Variants in SASH1 observed in about 807,000 individuals in gnomAD.
SASH1 encodes the protein SAM and SH3 domain containing 1, also known as SAM and SH3 domain-containing protein 1.
SASH1 carries 44 observed loss-of-function variants against 125.2 expected under a neutral mutation model. That is an observed-to-expected ratio of 0.35 (90% CI 0.28 to 0.45). The LOEUF is 0.45. Ranked by LOEUF, SASH1 falls within the 20% of genes least tolerant of loss-of-function variation. SASH1 has a pLI of 1.00. For missense variants in SASH1, 1,426 were observed against 1,614.5 expected, an observed-to-expected ratio of 0.88 and a Z score of 2.00; for synonymous variants, 639 against 649.1, an observed-to-expected ratio of 0.98 and a Z score of 0.24.
At chr6:148,329,638 A>G (rs1200760416) in intron 1 of SASH1, among the ~76,000 whole-genome samples, 4 of 152,096 alleles carry the variant, frequency 2.6e-5, no homozygotes, top group African/African-American at 9.7e-5. Context: ...GTGAGTGTGT[A>G]TGTGTGTGTG....
intron 4 of SASH1, among the ~76,000 whole-genome samples, 164 bp from the exon 5 acceptor site, chr6:148,468,381 A>G (rs1011988031): frequency 1.3e-5 from 2 of 152,224 alleles, no homozygotes; most frequent in Non-Finnish European, 2.9e-5. Context: ...GTCTATTTCT[A>G]GGAAGTCAGC....
At chr6:148,279,656 G>T (rs1326763187) in intron 1 of SASH1, among the ~76,000 whole-genome samples, 1 of 152,120 alleles carries the variant, frequency 6.6e-6, no homozygotes, top group Non-Finnish European at 1.5e-5. Context: ...GTTGCTCTGA[G>T]AATTCAATGA....
intron 8 of SASH1, chr6:148,512,390 G>T (rs1780200103): frequency 2.7e-6 from 2 of 747,108 alleles, no homozygotes; most frequent in South Asian, 1.2e-4. Flanking sequence ...TCTTCTATTA[G>T]AATTGCTTGG....
chr6:148,484,155 A>G (rs995802620), intron 7 of SASH1, among the ~76,000 whole-genome samples: 2 of 152,212 alleles, frequency 1.3e-5, no homozygotes, highest in Non-Finnish European at 2.9e-5. Flanking sequence ...AATGCTCTTT[A>G]TAGTAAGTAC....
At chr6:148,194,976 A>C in the SASH1 span, among the ~76,000 whole-genome samples, 2 of 152,256 alleles carry the variant, frequency 1.3e-5, no homozygotes, top group Non-Finnish European at 2.9e-5. Context: ...TGAGCTGGTA[A>C]GCCATTCTGT....
intron 1 of SASH1, among the ~76,000 whole-genome samples, chr6:148,324,940 G>C (rs920697928): frequency 7.2e-5 from 11 of 152,172 alleles, no homozygotes; most frequent in Non-Finnish European, 1.3e-4. Context: ...GTGGGATGAT[G>C]GTGCTTCTGC....
At chr6:148,353,316 G>A (rs1781806281) in intron 1 of SASH1, among the ~76,000 whole-genome samples, 1 of 151,926 alleles carries the variant, frequency 6.6e-6, no homozygotes, top group African/African-American at 2.4e-5. Flanking sequence ...GCCTCAAGCA[G>A]TCCTCCCAAG....
At chr6:148,480,321 TAAA>T (rs67748460) in intron 7 of SASH1, 4,212 of 122,286 alleles carry the variant, frequency 0.034, 94 homozygotes, top group Admixed American at 0.079. Flanking sequence ...AACTCCATCT[TAAA>T]AAAAAAAAAA....
chr6:148,237,413 T>A, the SASH1 span, among the ~76,000 whole-genome samples: 38 of 152,338 alleles, frequency 2.5e-4, no homozygotes, highest in Admixed American at 2.1e-3. Context: ...CTATCTATAC[T>A]TAATACATCC....
intron 1 of SASH1, among the ~76,000 whole-genome samples, chr6:148,349,248 CTTTCTTTTTTTTTTTTT>C (rs1278711001): frequency 1.5e-5 from 1 of 66,246 alleles, no homozygotes; most frequent in Non-Finnish European, 2.7e-5. Context: ...TTTCTTCTTT[CTTTCTTTTTTTTTTTTT>C]TTTTTTTTTT....
intron 1 of SASH1, among the ~76,000 whole-genome samples, chr6:148,379,078 T>C (rs977088826): frequency 6.6e-6 from 1 of 152,194 alleles, no homozygotes; most frequent in African/African-American, 2.4e-5. Flanking sequence ...GTTTTCAAAA[T>C]CTCTGTGGTT....
At chr6:148,229,719 CTTTTTTT>C in the SASH1 span, among the ~76,000 whole-genome samples, 1 of 121,406 alleles carries the variant, frequency 8.2e-6, no homozygotes, top group South Asian at 2.7e-4. Context: ...CGTCAGAGCA[CTTTTTTT>C]TTTTTTTTTT....
At chr6:148,372,879 A>C (rs1298892144) in intron 1 of SASH1, among the ~76,000 whole-genome samples, 2 of 152,148 alleles carry the variant, frequency 1.3e-5, no homozygotes, top group African/African-American at 4.8e-5. Context: ...AAACTATTTC[A>C]GATGGTGAAA....
At position 148,519,685 on chromosome 6, in the gene SASH1, C is replaced by T. The variant is rs1361442428; in HGVS notation, c.1001C>T (p.Thr334Met). 9.9e-6 allele frequency: 16 copies of T among 1,614,012 alleles called. No individual in the cohort carries two copies. Among genetic ancestry groups the T allele is most frequent in the East Asian group, 2.2e-5 (1 of 44,884 alleles). Reference protein sequence around the residue: ...PPEDDSDSLTTSPSSSSLDTW... With the variant: ...PPEDDSDSLTMSPSSSSLDTW... ...GAAGATGACTCAGACTCTCTCACCA[C>T]GTCTCCATCCTCCAGCAGCCTGGAC... The change falls in exon 10 of 20, where the codon ACG becomes ATG. Residue 334 changes from threonine (T) to methionine (M), a missense_variant. Physicochemically the swap from Thr to Met is moderately conservative, Grantham distance 81. Transcript: ENST00000367467. This position sits in a 1 kb window ranked among gnomAD's most constrained non-coding sequence, Gnocchi z 4.8.
chr6:148,513,000 C>G (rs1780236632), intron 8 of SASH1: 1 of 985,246 alleles, frequency 1.0e-6, no homozygotes, highest in Non-Finnish European at 1.2e-6. Context: ...CCTTACTATC[C>G]TTGTACTAAT....
At position 148,390,185 on chromosome 6, in the gene SASH1, T is replaced by G. The variant is rs749545262; in HGVS notation, c.208T>G (p.Tyr70Asp). 6.2e-7 allele frequency: 1 copy of G among 1,613,684 alleles called. No homozygotes were observed. The highest frequency in any genetic ancestry group is 1.1e-5 in the South Asian group (1 of 91,050). Reference sequence around the variant, plus strand: ...CCTGGCGCAGCAGTATGCAGATTATTACAACACCTGTTTCTCCGACGTGTG... The same window carrying G: ...CCTGGCGCAGCAGTATGCAGATTATGACAACACCTGTTTCTCCGACGTGTG... The part of the protein sequence containing the change: ...DDLAQQYADY[Y>D]NTCFSDVCER... The change falls in exon 2 of 20, where the codon TAC becomes GAC. Residue 70 changes from tyrosine (Y) to aspartate (D), a missense_variant. Physicochemically the swap from Tyr to Asp is radical, Grantham distance 160. Transcript: ENST00000367467.
At chr6:148,446,898 C>T (rs527401751) in intron 4 of SASH1, among the ~76,000 whole-genome samples, 1 of 152,344 alleles carries the variant, frequency 6.6e-6, no homozygotes, top group East Asian at 1.9e-4. Flanking sequence ...GAACCCATAA[C>T]CCTAACCACA....
intron 16 of SASH1, 49 bp from the exon 17 acceptor site, chr6:148,540,394 T>C (rs748988455): frequency 2.0e-6 from 3 of 1,465,642 alleles, no homozygotes; most frequent in Non-Finnish European, 1.9e-6. Context: ...CTCTGAAACC[T>C]CTGCTTTTCA....
the SASH1 span, among the ~76,000 whole-genome samples, chr6:148,215,659 A>C: frequency 2.5e-4 from 38 of 152,202 alleles, no homozygotes; most frequent in African/African-American, 8.2e-4. Context: ...GTATCATAGA[A>C]AGCAACATTG....
Sources: allele counts gnomAD v4.1 joint callset (sites outside exome capture counted in the v4.1 genomes callset), GRCh38; gene constraint gnomAD v4.1.1; non-coding constraint Gnocchi (gnomAD v3.1); transcripts MANE v1.5; gene names NCBI Gene and HGNC (gene_info 2026-07-23, HGNC 2026-07-21).